VAV3: variants seen among roughly 807,000 people sequenced by gnomAD.
VAV3 encodes guanine nucleotide exchange factor VAV3.
VAV3 carries 94 observed loss-of-function variants against 131.2 expected under a neutral mutation model. The observed-to-expected ratio is 0.72, with a 90% CI of 0.61 to 0.85. VAV3 has a LOEUF of 0.85. Among genes scored for constraint, VAV3 ranks in the 40% least tolerant of loss-of-function variants. VAV3 has a pLI of 0.00. For synonymous variants in VAV3, 349 were observed against 342.0 expected (o/e 1.02, Z -0.22); for missense variants, 939 against 1,002.7 (o/e 0.94, Z 0.86).
chr1:107,724,833 G>C (rs1661732735), intron 15 of VAV3, among the ~76,000 whole-genome samples: 1 of 148,924 alleles, frequency 6.7e-6, no homozygotes, highest in South Asian at 2.1e-4. Context: ...GATGTGGTGG[G>C]GGGAAAAAAA....
intron 2 of VAV3, among the ~76,000 whole-genome samples, chr1:107,853,649 G>T (rs1669333283): frequency 6.6e-6 from 1 of 151,196 alleles, no homozygotes. Flanking sequence ...TATTTTTGAT[G>T]ACAAAGCAGG....
chr1:107,726,598 C>G (rs560407133), intron 15 of VAV3, among the ~76,000 whole-genome samples: 1 of 152,194 alleles, frequency 6.6e-6, no homozygotes. Context: ...GGATCACACA[C>G]TTTCTGTGCT....
intron 1 of VAV3, among the ~76,000 whole-genome samples, chr1:107,911,687 T>C (rs1413379985): frequency 3.3e-5 from 5 of 152,200 alleles, no homozygotes; most frequent in Non-Finnish European, 7.3e-5. Context: ...GTAGCACTAT[T>C]ATCTGCCAGG....
At chr1:107,662,775 A>G (rs371630148) in intron 19 of VAV3, among the ~76,000 whole-genome samples, 16 of 152,234 alleles carry the variant, frequency 1.1e-4, no homozygotes, top group African/African-American at 3.9e-4. Context: ...AAAAAGACAT[A>G]TTAGTCATAT....
intron 2 of VAV3, among the ~76,000 whole-genome samples, chr1:107,854,005 C>A (rs2100964651): frequency 6.6e-6 from 1 of 151,944 alleles, no homozygotes; most frequent in African/African-American, 2.4e-5. Flanking sequence ...AGTGAAAGGT[C>A]ACTATGAATA....
intron 1 of VAV3, among the ~76,000 whole-genome samples, chr1:107,952,468 T>TTTATATATATATATATATATATATACGTA (rs1553235441): frequency 8.4e-6 from 1 of 119,026 alleles, no homozygotes; most frequent in Non-Finnish European, 1.7e-5. Flanking sequence ...TAACAAAACT[T>TTTATATATATATATATATATATATACGTA]TATATATATA....
At chr1:107,962,643 T>A (rs947612902) in intron 1 of VAV3, among the ~76,000 whole-genome samples, 1 of 152,148 alleles carries the variant, frequency 6.6e-6, no homozygotes, top group African/African-American at 2.4e-5. Context: ...CCAAGAACCA[T>A]GAGGAAAGCA....
intron 10 of VAV3, among the ~76,000 whole-genome samples, chr1:107,757,979 CG>C (rs1039254728): frequency 3.3e-5 from 5 of 152,136 alleles, no homozygotes; most frequent in African/African-American, 4.8e-5. Flanking sequence ...ACACGAGTCC[CG>C]GACTCATCCG....
intron 19 of VAV3, among the ~76,000 whole-genome samples, chr1:107,657,225 C>CA (rs1162617276): frequency 2.0e-5 from 3 of 152,028 alleles, no homozygotes; most frequent in African/African-American, 7.2e-5. Flanking sequence ...AAAGTGCTGG[C>CA]ATTACAGGCA....
chr1:107,572,255 G>A lies in VAV3; in HGVS notation c.*1076C>T, dbSNP rs1649314576. On this transcript the variant is annotated 3_prime_UTR_variant, in exon 27 of 27. Coordinates refer to ENST00000370056, the MANE Select transcript of VAV3 (RefSeq NM_006113.5). The stretch of plus-strand genomic sequence containing the variant: ...TGAGAGAAGCTGGAGGCCCACAAAA[G>A]TCCACTGACCCTCTTTCTGTCCCAG... 6.6e-6 allele frequency: 1 copy of A among 152,170 alleles called. No homozygotes were observed. The highest frequency in any genetic ancestry group is 2.1e-4 in the South Asian group (1 of 4,830). 9.4% of individuals were successfully genotyped at this position (152,170 alleles called of 1,614,324 possible).
chr1:107,667,894 T>TC (rs1394688197), intron 19 of VAV3, among the ~76,000 whole-genome samples: 3 of 152,122 alleles, frequency 2.0e-5, no homozygotes, highest in Admixed American at 2.0e-4. Flanking sequence ...AATCGTAGCA[T>TC]CCCAAGGTTG....
Position 107,750,921 on chromosome 1 carries a change from C to T in VAV3, c.1259+196G>A, listed in dbSNP as rs556478126. 4.6e-5 allele frequency among the ~76,000 whole-genome samples: 7 copies of T among 152,208 alleles called. No homozygotes were observed. The South Asian group carries it at 8.3e-4, about 18-fold the overall frequency. The stretch of plus-strand genomic sequence containing the variant: ...CTTCCTTCTTAATAACTTAGACAAA[C>T]TAATAGATACCAGAACCCAGGTGGG... On this transcript the variant is annotated intron_variant, in intron 13 of 26. Transcript: ENST00000370056.
intron 2 of VAV3, among the ~76,000 whole-genome samples, chr1:107,836,185 T>C (rs76053420): frequency 0.019 from 2,888 of 152,280 alleles, 40 homozygotes; most frequent in African/African-American, 0.039. Context: ...TTGGACCTAA[T>C]AGACATTGAC....
intron 20 of VAV3, among the ~76,000 whole-genome samples, chr1:107,642,136 C>T (rs561894701): frequency 5.9e-5 from 9 of 152,208 alleles, no homozygotes; most frequent in East Asian, 1.9e-4. Context: ...GAGGCTGAAA[C>T]CTACTCGACT....
chr1:107,687,646 T>C (rs888767724), intron 18 of VAV3, among the ~76,000 whole-genome samples: 2 of 152,194 alleles, frequency 1.3e-5, no homozygotes, highest in South Asian at 4.1e-4. Flanking sequence ...AAATCTTTTC[T>C]GTCTGAAATT....
At chr1:107,753,493 T>TATATATATAC (rs1553201222) in intron 12 of VAV3, among the ~76,000 whole-genome samples, 45 of 111,620 alleles carry the variant, frequency 4.0e-4, no homozygotes, top group Non-Finnish European at 7.2e-4. Flanking sequence ...TGTATATATA[T>TATATATATAC]ACACACATAT....
intron 25 of VAV3, among the ~76,000 whole-genome samples, chr1:107,575,000 TGC>T (rs1219875000): frequency 1.9e-5 from 2 of 103,918 alleles, no homozygotes; most frequent in African/African-American, 7.5e-5. Context: ...TGTGCGTGCG[TGC>T]GCGCGCGCGC....
chr1:107,844,798 C>G (rs1416255903), intron 2 of VAV3, among the ~76,000 whole-genome samples: 1 of 152,168 alleles, frequency 6.6e-6, no homozygotes, highest in Non-Finnish European at 1.5e-5. Flanking sequence ...AAAGGCAGCC[C>G]CCAAAGTCAG....
intron 2 of VAV3, among the ~76,000 whole-genome samples, chr1:107,798,218 T>G (rs77693068): frequency 0.029 from 4,461 of 152,268 alleles, 119 homozygotes; most frequent in African/African-American, 0.065. Context: ...TGAATATTTA[T>G]TCTAATTTCA....
Sources: allele counts gnomAD v4.1 joint callset (sites outside exome capture counted in the v4.1 genomes callset), GRCh38; gene constraint gnomAD v4.1.1; transcripts MANE v1.5; gene names NCBI Gene and HGNC (gene_info 2026-07-23, HGNC 2026-07-21).